The following TMTC2 variants were observed in gnomAD, a reference collection of about 807,000 sequenced individuals.
TMTC2 encodes the protein transmembrane O-mannosyltransferase targeting cadherins 2.
Under a neutral mutation model 82.4 loss-of-function variants are expected in TMTC2, and 43 were observed. That is an observed-to-expected ratio of 0.52 (90% CI 0.41 to 0.67). The LOEUF (loss-of-function observed/expected upper bound fraction) is 0.67. Ranked by LOEUF, TMTC2 falls within the 30% of genes least tolerant of loss-of-function variation. TMTC2 has a pLI of 0.00. For synonymous variants in TMTC2, 408 were observed against 381.9 expected, an observed-to-expected ratio of 1.07 and a Z score of -0.80; for missense variants, 919 against 1,012.4, an observed-to-expected ratio of 0.91 and a Z score of 1.25.
intron 2 of TMTC2, among the ~76,000 whole-genome samples, chr12:82,859,403 T>A (rs562126520): frequency 6.6e-6 from 1 of 152,222 alleles, no homozygotes; most frequent in Admixed American, 6.5e-5. Flanking sequence ...TACCATCTCA[T>A]AAGTTAGGGA....
At chr12:82,868,698 T>A (rs1872000310) in intron 2 of TMTC2, among the ~76,000 whole-genome samples, 1 of 133,162 alleles carries the variant, frequency 7.5e-6, no homozygotes, top group African/African-American at 3.8e-5. Context: ...CAAGTCTCTC[T>A]CTTTTTTTTT....
chr12:82,778,741 T>C lies in TMTC2; in HGVS notation c.84-78269T>C, dbSNP rs896450138. On this transcript the variant is annotated intron_variant, in intron 1 of 11. Coordinates refer to ENST00000321196, the MANE Select transcript of TMTC2 (RefSeq NM_152588.3). ...GCGGGCGCCTGTAGTCCCAGCTACT[T>C]GGGAGGCTGAGGCAGGAGAATGGCG... Among the ~76,000 whole-genome samples the C allele has an allele frequency of 2.9e-4, 42 of 146,224 alleles. 1 individual carries two copies. The South Asian group carries it at 7.7e-3, about 27-fold the overall frequency.
In TMTC2 at chr12:82,857,592, T is replaced by C; in HGVS notation, c.654+12T>C. On this transcript the variant is annotated intron_variant, in intron 2 of 11. Coordinates refer to ENST00000321196, the MANE Select transcript of TMTC2 (RefSeq NM_152588.3). ...CTACCATTTACAAAGTAAGTGATTG[T>C]TGGCTCTTGAGCATTGGATTACTGA... 1 of 1,586,244 alleles carries C rather than the reference T, an allele frequency of 6.3e-7. No individual in the cohort carries two copies. The highest frequency in any genetic ancestry group is 8.6e-7 in the Non-Finnish European group (1 of 1,165,458).
intron 1 of TMTC2, among the ~76,000 whole-genome samples, chr12:82,730,945 T>C (rs1029568267): frequency 6.6e-6 from 1 of 152,226 alleles, no homozygotes; most frequent in Non-Finnish European, 1.5e-5. Flanking sequence ...TGGAAAACTA[T>C]TGGATTCAGA....
At chr12:82,975,778 T>C (rs191517139) in intron 7 of TMTC2, among the ~76,000 whole-genome samples, 54 of 152,238 alleles carry the variant, frequency 3.5e-4, no homozygotes, top group Non-Finnish European at 5.3e-4. Context: ...CTTTTTCTTT[T>C]ATCGTTTTCC....
At chr12:82,752,941 C>T (rs1472419484) in intron 1 of TMTC2, among the ~76,000 whole-genome samples, 2 of 152,028 alleles carry the variant, frequency 1.3e-5, no homozygotes, top group Admixed American at 1.3e-4. Flanking sequence ...TTTTATTAGA[C>T]CCCTAGGCTA....
At chr12:82,985,410 T>C (rs1261243756) in intron 7 of TMTC2, among the ~76,000 whole-genome samples, 1 of 152,190 alleles carries the variant, frequency 6.6e-6, no homozygotes, top group Non-Finnish European at 1.5e-5. Context: ...TTAGCAGCAG[T>C]GTTTAATCTA....
chr12:83,038,136 G>A (rs1482727584), intron 9 of TMTC2, among the ~76,000 whole-genome samples: 5 of 120,734 alleles, frequency 4.1e-5, no homozygotes, highest in Non-Finnish European at 3.3e-5. Context: ...GGGACCTGCT[G>A]TGGGGTGGGG....
At chr12:82,724,775 T>C (rs1874371211) in intron 1 of TMTC2, among the ~76,000 whole-genome samples, 1 of 152,208 alleles carries the variant, frequency 6.6e-6, no homozygotes. Context: ...ATGGCCATTA[T>C]TGAATAATGT....
intron 1 of TMTC2, among the ~76,000 whole-genome samples, chr12:82,829,491 T>G (rs956613146): frequency 2.6e-5 from 4 of 152,124 alleles, no homozygotes; most frequent in Non-Finnish European, 5.9e-5. Context: ...CCATCCAAAT[T>G]GTTGGTTTTT....
At chr12:83,002,682 C>G (rs1263759869) in intron 8 of TMTC2, among the ~76,000 whole-genome samples, 2 of 151,826 alleles carry the variant, frequency 1.3e-5, no homozygotes, top group Non-Finnish European at 2.9e-5. Context: ...GAAACAAGTT[C>G]TTTAATTTCC....
chr12:82,885,303 A>G (rs1217793363), intron 2 of TMTC2, among the ~76,000 whole-genome samples: 2 of 151,798 alleles, frequency 1.3e-5, no homozygotes, highest in East Asian at 3.9e-4. Context: ...TTAAATGATT[A>G]ATCTGGGAAT....
chr12:82,766,742 A>G (rs1484950924), intron 1 of TMTC2, among the ~76,000 whole-genome samples: 2 of 152,206 alleles, frequency 1.3e-5, no homozygotes, highest in African/African-American at 2.4e-5. Context: ...CTATTCTTCT[A>G]GTCTCTCAAT....
chr12:82,918,998 C>G (rs944961547), intron 3 of TMTC2, among the ~76,000 whole-genome samples: 1 of 152,170 alleles, frequency 6.6e-6, no homozygotes, highest in Non-Finnish European at 1.5e-5. Flanking sequence ...CCTTGTGATC[C>G]GACAGCCTTG....
At chr12:82,917,890 T>G (rs941036445) in intron 3 of TMTC2, among the ~76,000 whole-genome samples, 1 of 151,938 alleles carries the variant, frequency 6.6e-6, no homozygotes, top group Non-Finnish European at 1.5e-5. Flanking sequence ...CGTGAGCCAC[T>G]GCTCCCGGCC....
At position 83,093,268 on chromosome 12, in the gene TMTC2, A is replaced by G. The variant is rs79291387; in HGVS notation, c.2331+31437A>G. Among the ~76,000 whole-genome samples the G allele has an allele frequency of 1.3e-3, 196 of 152,346 alleles. 3 individuals are homozygous for G. The highest frequency in any genetic ancestry group is 4.5e-3 in the African/African-American group (189 of 41,578). On this transcript the variant is annotated intron_variant, in intron 11 of 11. Coordinates refer to ENST00000321196, the MANE Select transcript of TMTC2 (RefSeq NM_152588.3). ...AGCAATATTTCTTGTCACCAAGTCT[A>G]TAAAGTAGTATTTAAAAATTACATT... is the stretch of plus-strand genomic sequence containing the variant.
At chr12:82,775,371 G>T (rs907224027) in intron 1 of TMTC2, among the ~76,000 whole-genome samples, 1 of 151,926 alleles carries the variant, frequency 6.6e-6, no homozygotes, top group Non-Finnish European at 1.5e-5. Context: ...GATTGTCTGA[G>T]CCTGGGAGAT....
chr12:82,846,218 C>T (rs1870665816), intron 1 of TMTC2, among the ~76,000 whole-genome samples: 1 of 152,020 alleles, frequency 6.6e-6, no homozygotes, highest in South Asian at 2.1e-4. Flanking sequence ...AATTAGCCAG[C>T]ATTGTGGCGC....
intron 1 of TMTC2, among the ~76,000 whole-genome samples, chr12:82,776,615 G>GAAAAA (rs750550745): frequency 3.4e-5 from 3 of 87,326 alleles, no homozygotes; most frequent in Non-Finnish European, 7.2e-5. Context: ...TGTCTCTAAT[G>GAAAAA]AAAAAAAAAA....
Sources: gnomAD v4.1 joint callset for allele counts (sites outside exome capture counted in the v4.1 genomes callset) on GRCh38, gnomAD v4.1.1 for gene constraint, MANE v1.5 for transcripts, NCBI Gene and HGNC (gene_info 2026-07-23, HGNC 2026-07-21) for gene names.